The following ARID4A variants were observed in gnomAD, a reference collection of about 807,000 sequenced individuals.
The protein encoded by ARID4A is AT-rich interactive domain-containing protein 4A.
ARID4A carries 39 observed loss-of-function variants against 148.6 expected under a neutral mutation model. That is an observed-to-expected ratio of 0.26 (90% confidence interval 0.20 to 0.34). The LOEUF (loss-of-function observed/expected upper bound fraction) is 0.34, where lower values mean the gene tolerates loss of function less well. Ranked by LOEUF, ARID4A falls within the 10% of genes least tolerant of loss-of-function variation. ARID4A has a pLI of 1.00. For missense variants in ARID4A, 1,265 were observed against 1,449.1 expected (o/e 0.87, Z 2.06); for synonymous variants, 475 against 481.2 (o/e 0.99, Z 0.17).
rs1397398340 is a variant in ARID4A at position 58,373,344 on chromosome 14, G to A, written c.*1355G>A. 1 of 187,006 alleles carries A rather than the reference G, an allele frequency of 5.3e-6. No homozygotes were observed. Among genetic ancestry groups the A allele is most frequent in the Non-Finnish European group, 1.1e-5 (1 of 88,576 alleles). The allele number at this position is 187,006 out of a possible 1,614,324, so 11.6% of individuals were successfully genotyped here. On this transcript the variant is annotated 3_prime_UTR_variant, in exon 24 of 24. Transcript: ENST00000355431. Reference sequence around the variant, plus strand: ...TAAAGCAGTTTTGCATATACATTATGTAAAAAGGTGATTTTATAAAAGCAG... The same window carrying A: ...TAAAGCAGTTTTGCATATACATTATATAAAAAGGTGATTTTATAAAAGCAG...
intron 5 of ARID4A, among the ~76,000 whole-genome samples, chr14:58,307,705 A>T (rs1429244748): frequency 6.6e-6 from 1 of 152,222 alleles, no homozygotes; most frequent in Non-Finnish European, 1.5e-5. Flanking sequence ...CTGTAATCCC[A>T]GCTACTCAGT....
At chr14:58,339,759 G>A (rs1025350725) in intron 11 of ARID4A, among the ~76,000 whole-genome samples, 10 of 152,040 alleles carry the variant, frequency 6.6e-5, no homozygotes, top group Non-Finnish European at 1.3e-4. Flanking sequence ...AGGCTGTACA[G>A]GAGGCATGGC....
At position 58,318,830 on chromosome 14, in the gene ARID4A, A is replaced by C. The variant is rs1482802971; in HGVS notation, c.449+25A>C. On this transcript the variant is annotated intron_variant, in intron 7 of 23. Coordinates refer to ENST00000355431, the MANE Select transcript of ARID4A (RefSeq NM_002892.4). ...TGTGAGTTTTTTCATATATGGTATCATTTTAATTACAATTATTATAACCTT... is the reference window on the plus strand; with the variant it reads ...TGTGAGTTTTTTCATATATGGTATCCTTTTAATTACAATTATTATAACCTT... The C allele has an allele frequency of 1.9e-6, 3 of 1,553,730 alleles. No individual in the cohort carries two copies. The African/African-American group carries it at 4.1e-5, about 21-fold the overall frequency.
At position 58,323,559 on chromosome 14, in the gene ARID4A, T is replaced by G. The variant is rs2033036644; in HGVS notation, c.524T>G (p.Leu175Arg). Residue 175 changes from leucine (L) to arginine (R), a missense_variant, in exon 8 of 24, where the codon CTA (leucine) becomes CGA (arginine). By Grantham distance (102) the Leu-to-Arg change is moderately radical (BLOSUM62 -2). Coordinates refer to ENST00000355431, the MANE Select transcript of ARID4A (RefSeq NM_002892.4). ...EDKRRLNDEL[L>R]GKVVSVVSAT... Reference sequence around the variant, plus strand: ...AAGCGCCGTCTCAATGATGAATTACTAGGAAAAGTTGTAAGTGTGGTGTCT... The same window carrying G: ...AAGCGCCGTCTCAATGATGAATTACGAGGAAAAGTTGTAAGTGTGGTGTCT... The G allele has an allele frequency of 1.2e-6, 2 of 1,614,060 alleles. No individual in the cohort carries two copies. Among genetic ancestry groups the G allele is most frequent in the South Asian group, 2.2e-5 (2 of 91,088 alleles).
intron 15 of ARID4A, among the ~76,000 whole-genome samples, chr14:58,349,410 G>A (rs1055578829): frequency 2.0e-5 from 3 of 151,708 alleles, no homozygotes; most frequent in African/African-American, 7.3e-5. Flanking sequence ...ACTTTGGGAG[G>A]CCAAGGCAGG....
At position 58,372,124 on chromosome 14, in the gene ARID4A, G is replaced by GTATC. The variant is rs1014333670; in HGVS notation, c.*139_*142dup. The GTATC allele has an allele frequency of 4.9e-6, 3 of 617,806 alleles. No homozygotes were observed. In the African/African-American group the frequency reaches 5.5e-5, roughly 11 times the overall value. The allele number at this position is 617,806 out of a possible 1,614,324, so 38.3% of individuals were successfully genotyped here. ...CCTGTATACTTTTCCAGGCTGGATT[G>GTATC]TATCTATTCCCCTCTCTCTTCTTTT... On this transcript the variant is annotated 3_prime_UTR_variant, in exon 24 of 24. Coordinates refer to ENST00000355431, the MANE Select transcript of ARID4A (RefSeq NM_002892.4).
rs761084650 is a variant in ARID4A, at chr14:58,360,985, C to G, written c.2023C>G (p.Leu675Val). Reference protein sequence around the residue: ...KRGRPPLKSTLSSNMPYGLSK... With the variant: ...KRGRPPLKSTVSSNMPYGLSK... ...GGGACGACCTCCTTTAAAATCAACC[C>G]TCTCATCAAACATGCCGTATGGCTT... The change falls in exon 19 of 24, where the codon CTC becomes GTC. Residue 675 changes from leucine to valine, a missense_variant. Transcript: ENST00000355431. 1 of 1,614,060 alleles carries G rather than the reference C, an allele frequency of 6.2e-7. No homozygotes were observed. The highest frequency in any genetic ancestry group is 8.5e-7 in the Non-Finnish European group (1 of 1,179,990).
In ARID4A at chr14:58,306,062, T is replaced by C; in HGVS notation, c.224T>C (p.Phe75Ser). 6.2e-7 allele frequency: 1 copy of C among 1,613,780 alleles called. No homozygotes were observed. Among genetic ancestry groups the C allele is most frequent in the Non-Finnish European group, 8.5e-7 (1 of 1,179,802 alleles). The change falls in exon 5 of 24, where the codon TTT becomes TCT. Residue 75 changes from phenylalanine (F) to serine (S), a missense_variant. Transcript: ENST00000355431. ...GAAACAAGGACATCTGATGGATCTT[T>C]TCAGGAAGCTATTATCAGCAAGTTG... ...IVETRTSDGS[F>S]QEAIISKLTD...
chr14:58,355,961 C>T (rs1347564455), intron 17 of ARID4A, among the ~76,000 whole-genome samples: 1 of 152,150 alleles, frequency 6.6e-6, no homozygotes, highest in Non-Finnish European at 1.5e-5. Context: ...AATTACCTAA[C>T]TAGTACTCTC....
chr14:58,353,775 T>C lies in ARID4A; in HGVS notation c.1773T>C (p.Ile591=), dbSNP rs1468542311. ...ATGGACGAGGGAAGACTCAGAAAAT[T>C]TATGAAGCCAGTATTAAAAGCACTG... ...VKYGRGKTQK[I]YEASIKSTEI... The change falls in exon 17 of 24, where the codon ATT becomes ATC. Residue 591 remains isoleucine, a synonymous_variant. Transcript: ENST00000355431. The C allele has an allele frequency of 1.2e-6, 2 of 1,613,848 alleles. No homozygotes were observed. Among genetic ancestry groups the C allele is most frequent in the Non-Finnish European group, 1.7e-6 (2 of 1,179,966 alleles).
rs773746527 is a variant in ARID4A, at chr14:58,304,333, CA to C, written c.118-609del. On this transcript the variant is annotated intron_variant, in intron 3 of 23. Coordinates refer to ENST00000355431, the MANE Select transcript of ARID4A (RefSeq NM_002892.4). Reference sequence around the variant, plus strand: ...GGCTCTTATTTACTTAAAATTAATACAATGATTGTTTTAGGAGGTCTTACCA... The same window carrying C: ...GGCTCTTATTTACTTAAAATTAATACATGATTGTTTTAGGAGGTCTTACCA... Among the ~76,000 whole-genome samples the C allele has an allele frequency of 2.6e-5, 4 of 152,092 alleles. No homozygotes were observed. In the East Asian group the frequency reaches 7.7e-4, roughly 29 times the overall value.
Position 58,301,694 on chromosome 14 carries a change from ATAT to A in ARID4A, c.117+6_117+8del. On this transcript the variant is annotated splice_donor_5th_base_variant and intron_variant, in intron 3 of 23. Transcript: ENST00000355431. ...GAAAAGGCTGGTGAAAGTTAAGGTA[ATAT>A]TTGTTTTTATGCAATAGTTTTATTA... 6.2e-7 allele frequency: 1 copy of A among 1,608,514 alleles called. No individual in the cohort carries two copies. The highest frequency in any genetic ancestry group is 8.5e-7 in the Non-Finnish European group (1 of 1,175,528).
rs573653080 is a variant in ARID4A, at chr14:58,358,438, G to T, written c.1854-694G>T. On this transcript the variant is annotated intron_variant, in intron 17 of 23. Coordinates refer to ENST00000355431, the MANE Select transcript of ARID4A (RefSeq NM_002892.4). ...GCCGAGATGGCACCACTGCATGTCA[G>T]CCTGGGTGACAACATTGAAACTAGC... 2.2e-3 allele frequency among the ~76,000 whole-genome samples: 336 copies of T among 152,216 alleles called. 2 individuals carry two copies. The highest frequency in any genetic ancestry group is 7.8e-3 in the African/African-American group (325 of 41,540).
At chr14:58,344,803 C>A (rs775296660) in intron 12 of ARID4A, 36 bp downstream of exon 12, 2 of 1,475,676 alleles carry the variant, frequency 1.4e-6, no homozygotes, top group Non-Finnish European at 1.9e-6. Flanking sequence ...GTAGTCATTT[C>A]TTTTTCATGT....
At chr14:58,339,077 A>C (rs1369776410) in intron 11 of ARID4A, among the ~76,000 whole-genome samples, 1 of 146,206 alleles carries the variant, frequency 6.8e-6, no homozygotes, top group African/African-American at 2.6e-5. Context: ...CCATCCTCCC[A>C]CCTTAGCCTC....
chr14:58,366,825 A>G (rs2035377280), intron 22 of ARID4A, 58 bp from the exon 23 acceptor site: 1 of 1,322,490 alleles, frequency 7.6e-7, no homozygotes, highest in Non-Finnish European at 1.0e-6. Context: ...TAGAATTGTC[A>G]TCATTTTTCT....
At chr14:58,361,138 AT>A in intron 19 of ARID4A, 96 bp downstream of exon 19, 1 of 1,467,916 alleles carries the variant, frequency 6.8e-7, no homozygotes, top group East Asian at 2.4e-5. Flanking sequence ...TTTAAAAAAA[AT>A]CAATAACATA....
chr14:58,344,166 A>G (rs754537165), intron 11 of ARID4A, among the ~76,000 whole-genome samples: 12 of 152,198 alleles, frequency 7.9e-5, no homozygotes, highest in Non-Finnish European at 1.5e-4. Context: ...ACTCACTTAA[A>G]TGTATTTAAA....
rs2034804920 is a variant in ARID4A at position 58,354,884 on chromosome 14, G to T, written c.1853+1029G>T. On this transcript the variant is annotated intron_variant, in intron 17 of 23. Coordinates refer to ENST00000355431, the MANE Select transcript of ARID4A (RefSeq NM_002892.4). Reference sequence around the variant, plus strand: ...AAAGAAGATGTTTGTCGTTTTTGTGGATTAGACAATGTTCCTGTTTTTTCT... The same window carrying T: ...AAAGAAGATGTTTGTCGTTTTTGTGTATTAGACAATGTTCCTGTTTTTTCT... 3.3e-5 allele frequency among the ~76,000 whole-genome samples: 5 copies of T among 152,248 alleles called. No homozygotes were observed. The South Asian group carries it at 1.0e-3, about 32-fold the overall frequency.
Sources: allele counts gnomAD v4.1 joint callset (sites outside exome capture counted in the v4.1 genomes callset), GRCh38; gene constraint gnomAD v4.1.1; transcripts MANE v1.5; gene names NCBI Gene and HGNC (gene_info 2026-07-23, HGNC 2026-07-21).